HMGB1: variants seen among roughly 807,000 people sequenced by gnomAD.
HMGB1 encodes high mobility group protein B1.
For missense variants in HMGB1, 79 were observed against 253.5 expected, an observed-to-expected ratio of 0.31 and a Z score of 4.67; for synonymous variants, 81 against 84.0, an observed-to-expected ratio of 0.96 and a Z score of 0.19.
chr13:30,580,761 T>C (rs1004278415), intron 1 of HMGB1, among the ~76,000 whole-genome samples: 1 of 152,190 alleles, frequency 6.6e-6, no homozygotes, highest in Admixed American at 6.5e-5. Flanking sequence ...GAGACTAGAA[T>C]GATACATAAA....
chr13:30,610,351 G>C (rs775262047), intron 1 of HMGB1, among the ~76,000 whole-genome samples: 1 of 152,172 alleles, frequency 6.6e-6, no homozygotes, highest in Non-Finnish European at 1.5e-5. Context: ...AACAACTCTA[G>C]AAGAGAGTGC....
At chr13:30,480,611 G>A (rs1056433645) in intron 1 of HMGB1, among the ~76,000 whole-genome samples, 2 of 152,086 alleles carry the variant, frequency 1.3e-5, no homozygotes, top group African/African-American at 4.8e-5. Flanking sequence ...TAGATGCCCT[G>A]GGTGAAGCTG....
intron 1 of HMGB1, among the ~76,000 whole-genome samples, chr13:30,567,133 A>T (rs1346047476): frequency 2.6e-5 from 4 of 152,198 alleles, no homozygotes; most frequent in African/African-American, 9.7e-5. Flanking sequence ...TAGTTTCAAG[A>T]ATCAGGCAAA....
At chr13:30,468,404 G>A (rs1003275132), upstream of HMGB1, among the ~76,000 whole-genome samples, 8 of 151,982 alleles carry the variant, frequency 5.3e-5, no homozygotes, top group East Asian at 3.9e-4. Flanking sequence ...ACAGGCATGC[G>A]CCACCATGCC....
At chr13:30,536,567 C>G (rs1238201118) in intron 1 of HMGB1, among the ~76,000 whole-genome samples, 1 of 152,108 alleles carries the variant, frequency 6.6e-6, no homozygotes, top group Non-Finnish European at 1.5e-5. Context: ...CCAGGCTGGT[C>G]TCGAACTCCT....
At chr13:30,462,436 A>T in intron 4 of HMGB1, 102 bp downstream of exon 4, 1 of 894,190 alleles carries the variant, frequency 1.1e-6, no homozygotes, top group Non-Finnish European at 1.9e-6. Context: ...CACCATACTT[A>T]ATGTAGCTGT....
chr13:30,465,148 A>G, intron 1 of HMGB1: 1 of 963,930 alleles, frequency 1.0e-6, no homozygotes. Flanking sequence ...GGCCCGAGTC[A>G]GCCATGTTCC....
At chr13:30,557,161 A>G (rs1319431022) in intron 1 of HMGB1, among the ~76,000 whole-genome samples, 1 of 152,240 alleles carries the variant, frequency 6.6e-6, no homozygotes, top group Non-Finnish European at 1.5e-5. Flanking sequence ...ATGACTTTAC[A>G]TAAATATATC....
At chr13:30,616,544 G>A (rs545975846) in intron 1 of HMGB1, 1 of 152,254 alleles carries the variant, frequency 6.6e-6, no homozygotes, top group East Asian at 1.9e-4. Flanking sequence ...TCTATTTCAG[G>A]AGGAAGTACT....
At chr13:30,548,257 T>C in intron 1 of HMGB1, among the ~76,000 whole-genome samples, 1 of 152,156 alleles carries the variant, frequency 6.6e-6, no homozygotes, top group Middle Eastern at 3.2e-3. Flanking sequence ...GACGGTTTTA[T>C]AAGGGGCTTT....
At position 30,589,623 on chromosome 13, in the gene HMGB1, C is replaced by A. The variant is rs539856196; in HGVS notation, c.-15+27048G>T. Among the ~76,000 whole-genome samples, 3 of 152,288 alleles carry A rather than the reference C, an allele frequency of 2.0e-5. No homozygotes were observed. The East Asian group carries it at 5.8e-4, about 29-fold the overall frequency. On this transcript the variant is annotated intron_variant, in intron 1 of 4. Transcript: ENST00000405805. ...GTGGCTCATGCCTGTAATCCCAGCA[C>A]TCTGGGAGGCTGAGGCAGGAAGATC...
intron 1 of HMGB1, among the ~76,000 whole-genome samples, chr13:30,581,108 C>A (rs1169288196): frequency 6.6e-6 from 1 of 151,756 alleles, no homozygotes; most frequent in Non-Finnish European, 1.5e-5. Context: ...CTACTGTAGA[C>A]AAAGCAGACT....
At chr13:30,581,363 G>C (rs1870894795) in intron 1 of HMGB1, among the ~76,000 whole-genome samples, 1 of 152,138 alleles carries the variant, frequency 6.6e-6, no homozygotes, top group Non-Finnish European at 1.5e-5. Context: ...GGCTAGAGAA[G>C]GGGATAGCAA....
chr13:30,473,065 A>G (rs1253004561), intron 1 of HMGB1, among the ~76,000 whole-genome samples: 1 of 152,112 alleles, frequency 6.6e-6, no homozygotes, highest in Non-Finnish European at 1.5e-5. Flanking sequence ...CTAACTTGAA[A>G]GGATGTTTCA....
At chr13:30,485,124 C>T (rs1320819746) in intron 1 of HMGB1, among the ~76,000 whole-genome samples, 3 of 151,606 alleles carry the variant, frequency 2.0e-5, no homozygotes, top group South Asian at 2.1e-4. Flanking sequence ...CCCCACCTCC[C>T]GGGTTCAAGT....
chr13:30,475,470 C>T (rs1196480403), intron 1 of HMGB1, among the ~76,000 whole-genome samples: 1 of 151,218 alleles, frequency 6.6e-6, no homozygotes, highest in Non-Finnish European at 1.5e-5. Flanking sequence ...GTCTCAGCCT[C>T]CCAAAGTGCT....
At chr13:30,599,381 T>A (rs1871759619) in intron 1 of HMGB1, among the ~76,000 whole-genome samples, 1 of 152,178 alleles carries the variant, frequency 6.6e-6, no homozygotes, top group African/African-American at 2.4e-5. Context: ...GGCAGGAGAA[T>A]CGCTTGAACC....
chr13:30,476,118 C>CTTTTTTT (rs71093065), intron 1 of HMGB1, among the ~76,000 whole-genome samples: 4 of 109,494 alleles, frequency 3.7e-5, no homozygotes, highest in Non-Finnish European at 5.5e-5. Context: ...GTGGCATGTA[C>CTTTTTTT]TTTTTTTTTT....
At chr13:30,606,623 C>A (rs1431809468) in intron 1 of HMGB1, among the ~76,000 whole-genome samples, 1 of 152,202 alleles carries the variant, frequency 6.6e-6, no homozygotes, top group Non-Finnish European at 1.5e-5. Context: ...AATGAGTTCA[C>A]TGGGTCTGAT....
Sources: allele counts gnomAD v4.1 joint callset (sites outside exome capture counted in the v4.1 genomes callset), GRCh38; gene constraint gnomAD v4.1.1; transcripts MANE v1.5; gene names NCBI Gene and HGNC (gene_info 2026-07-23, HGNC 2026-07-21).